ERVH48-1: variants seen among roughly 807,000 people sequenced by gnomAD.
The protein encoded by ERVH48-1 is suppressyn.
Under a neutral mutation model 2.4 loss-of-function variants are expected in ERVH48-1, and 4 were observed. The ratio of observed to expected loss-of-function variants is 1.68; its 90% confidence interval spans 0.83 to 3.84. The LOEUF (loss-of-function observed/expected upper bound fraction) is 3.84. Ranked by LOEUF, ERVH48-1 falls within the 30% of genes most tolerant of loss-of-function variation. The pLI, the probability that ERVH48-1 is intolerant of heterozygous loss-of-function variation, is 0.01. For missense variants in ERVH48-1, 97 were observed against 43.4 expected (o/e 2.23, Z -3.47); for synonymous variants, 32 against 15.5 (o/e 2.06, Z -2.49).
chr21:42,921,273 A>G (rs1022735513), intron 1 of ERVH48-1, among the ~76,000 whole-genome samples: 2 of 152,104 alleles, frequency 1.3e-5, no homozygotes, highest in Admixed American at 6.5e-5. Context: ...AAGGTTGGGT[A>G]ATAGGCTGTG....
chr21:42,923,458 G>T (rs541711169), intron 1 of ERVH48-1, among the ~76,000 whole-genome samples: 1 of 152,300 alleles, frequency 6.6e-6, no homozygotes, highest in Non-Finnish European at 1.5e-5. Context: ...GAGATGAACC[G>T]AAGGCTTAAG....
In ERVH48-1 at chr21:42,917,061, G is replaced by A. The variant is rs2058790796; in HGVS notation, c.*1463C>T. The A allele has an allele frequency of 6.6e-6, 1 of 152,170 alleles. No individual in the cohort carries two copies. The highest frequency in any genetic ancestry group is 1.5e-5 in the Non-Finnish European group (1 of 68,062). The allele number at this position is 152,170 out of a possible 1,614,324, so 9.4% of individuals were successfully genotyped here. On this transcript the variant is annotated 3_prime_UTR_variant, in exon 2 of 2. Transcript: ENST00000447535. ...GTTTGTACCTTGGGACTGGGCCTGA[G>A]GAGGAGGAGTTATTCATCCCGCAAG...
Position 42,918,483 on chromosome 21 carries a change from A to G in ERVH48-1, c.*41T>C, listed in dbSNP as rs1008620007. 6.9e-6 allele frequency: 3 copies of G among 433,764 alleles called. No homozygotes were observed. The highest frequency in any genetic ancestry group is 9.3e-6 in the Non-Finnish European group (2 of 215,778). 26.9% of individuals were successfully genotyped at this position (433,764 alleles called of 1,614,324 possible). A position where few individuals can be genotyped will look rare whatever the true frequency, so the allele number is the denominator to read the frequency against. ...TAAGCACAATGGTTCTCCTAGATCT[A>G]CAAACAGATTTTTTCCTGGCTTAGG... On this transcript the variant is annotated 3_prime_UTR_variant, in exon 2 of 2. Transcript: ENST00000447535.
chr21:42,921,821 C>T (rs1328800733), intron 1 of ERVH48-1, among the ~76,000 whole-genome samples: 1 of 89,834 alleles, frequency 1.1e-5, no homozygotes, highest in Non-Finnish European at 2.2e-5. Context: ...TTGGGGTCTT[C>T]CCACATAACA....
Position 42,918,302 on chromosome 21 carries a change from T to G in ERVH48-1, c.*222A>C, listed in dbSNP as rs2058794775. On this transcript the variant is annotated 3_prime_UTR_variant, in exon 2 of 2. Coordinates refer to ENST00000447535, the MANE Select transcript of ERVH48-1 (RefSeq NM_001308491.2). The stretch of plus-strand genomic sequence containing the variant: ...TATGCACACCGTCCCTCATACTGGG[T>G]TGGTAAGTGTCCAGGACTGCGGGCA... The G allele has an allele frequency of 2.9e-6, 1 of 346,834 alleles. No individual in the cohort carries two copies. Among genetic ancestry groups the G allele is most frequent in the South Asian group, 2.3e-5 (1 of 44,102 alleles). 21.5% of individuals were successfully genotyped at this position (346,834 alleles called of 1,614,324 possible).
chr21:42,920,950 CTGCGG>C (rs1337567061), intron 1 of ERVH48-1, among the ~76,000 whole-genome samples: 2 of 152,090 alleles, frequency 1.3e-5, no homozygotes, highest in Non-Finnish European at 2.9e-5. Flanking sequence ...ACTTAGTACG[CTGCGG>C]TGAGCTAGCA....
intron 1 of ERVH48-1, among the ~76,000 whole-genome samples, chr21:42,921,695 G>A (rs867314612): frequency 7.2e-5 from 11 of 151,782 alleles, no homozygotes; most frequent in Admixed American, 2.0e-4. Flanking sequence ...CAAAAAGGTG[G>A]GTGCTGTCTC....
At chr21:42,923,815 G>A (rs1044573362) in intron 1 of ERVH48-1, among the ~76,000 whole-genome samples, 2 of 152,198 alleles carry the variant, frequency 1.3e-5, no homozygotes, top group African/African-American at 4.8e-5. Context: ...TGGGGTGAGC[G>A]TGGAAGAGAG....
intron 1 of ERVH48-1, among the ~76,000 whole-genome samples, chr21:42,920,633 CA>C (rs1361539900): frequency 1.3e-5 from 2 of 152,024 alleles, no homozygotes; most frequent in Non-Finnish European, 2.9e-5. Flanking sequence ...CTAGGGGGAC[CA>C]GATTAGCTTC....
Position 42,917,257 on chromosome 21 carries a change from TCGTGC to T in ERVH48-1, c.*1262_*1266del, listed in dbSNP as rs2058791585. 1 of 152,198 alleles carries T rather than the reference TCGTGC, an allele frequency of 6.6e-6. No homozygotes were observed. The highest frequency in any genetic ancestry group is 1.5e-5 in the Non-Finnish European group (1 of 68,044). The allele number at this position is 152,198 out of a possible 1,614,324, so 9.4% of individuals were successfully genotyped here. ...TTCTTGAGAGACGGGTTGGTATCCA[TCGTGC>T]CGCTGTAGCAGGAGCATCATCTGGA... On this transcript the variant is annotated 3_prime_UTR_variant, in exon 2 of 2. Coordinates refer to ENST00000447535, the MANE Select transcript of ERVH48-1 (RefSeq NM_001308491.2).
At position 42,919,028 on chromosome 21, in the gene ERVH48-1, C is replaced by G; in HGVS notation, c.-22G>C. The G allele has an allele frequency of 3.2e-6, 4 of 1,235,720 alleles. No homozygotes were observed. The highest frequency in any genetic ancestry group is 4.2e-6 in the Non-Finnish European group (4 of 956,376). 76.5% of individuals were successfully genotyped at this position (1,235,720 alleles called of 1,614,324 possible). On this transcript the variant is annotated 5_prime_UTR_variant, in exon 2 of 2. Transcript: ENST00000447535. ...CCATTCCTGGAAGCACGTGGTTAGT[C>G]TTCCTTGTGTTTTGGTTTTAAGAAA... is the stretch of plus-strand genomic sequence containing the variant.
intron 1 of ERVH48-1, among the ~76,000 whole-genome samples, chr21:42,923,860 G>C (rs966106137): frequency 2.6e-5 from 4 of 152,222 alleles, no homozygotes; most frequent in Non-Finnish European, 5.9e-5. Flanking sequence ...TAGTTCATAA[G>C]ACTGGGTGAG....
Position 42,925,369 on chromosome 21 carries a change from T to C in ERVH48-1, c.-309A>G, listed in dbSNP as rs1274980047. On this transcript the variant is annotated 5_prime_UTR_variant, in exon 1 of 2. Coordinates refer to ENST00000447535, the MANE Select transcript of ERVH48-1 (RefSeq NM_001308491.2). ...ACCAGTAGGCGAGATCAGTGACCGA[T>C]GTGCATGCACAGAGAGGCGACTAGA... The C allele has an allele frequency of 8.6e-6, 4 of 463,446 alleles. No individual in the cohort carries two copies. The highest frequency in any genetic ancestry group is 1.6e-5 in the Non-Finnish European group (4 of 255,208). 28.7% of individuals were successfully genotyped at this position (463,446 alleles called of 1,614,324 possible).
rs2058790702 is a variant in ERVH48-1, at chr21:42,917,036, G to C, written c.*1488C>G. The C allele has an allele frequency of 1.3e-5, 2 of 152,232 alleles. No individual in the cohort carries two copies. Among genetic ancestry groups the C allele is most frequent in the Non-Finnish European group, 2.9e-5 (2 of 68,104 alleles). The allele number at this position is 152,232 out of a possible 1,614,324, so 9.4% of individuals were successfully genotyped here. A position where few individuals can be genotyped will look rare whatever the true frequency, so the allele number is the denominator to read the frequency against. The stretch of plus-strand genomic sequence containing the variant: ...CTCTGCTATCTTGCTGCTGGTGCAA[G>C]TTTGTACCTTGGGACTGGGCCTGAG... On this transcript the variant is annotated 3_prime_UTR_variant, in exon 2 of 2. Transcript: ENST00000447535.
chr21:42,920,589 A>G (rs2058802894), intron 1 of ERVH48-1, among the ~76,000 whole-genome samples: 1 of 152,208 alleles, frequency 6.6e-6, no homozygotes, highest in Non-Finnish European at 1.5e-5. Flanking sequence ...AGCTCAAGTG[A>G]GGACGATGAG....
chr21:42,919,840 C>A (rs1218924517), intron 1 of ERVH48-1, among the ~76,000 whole-genome samples: 1 of 152,160 alleles, frequency 6.6e-6, no homozygotes, highest in African/African-American at 2.4e-5. Flanking sequence ...AAAGTACAGA[C>A]AAAGACTAGA....
chr21:42,924,383 G>A (rs1363303167), intron 1 of ERVH48-1, among the ~76,000 whole-genome samples: 2 of 152,132 alleles, frequency 1.3e-5, no homozygotes, highest in Admixed American at 6.6e-5. Context: ...GGGGTGGACA[G>A]CAGTTGGCTG....
Position 42,918,070 on chromosome 21 carries a change from C to T in ERVH48-1, c.*454G>A, listed in dbSNP as rs141855205. On this transcript the variant is annotated 3_prime_UTR_variant, in exon 2 of 2. Coordinates refer to ENST00000447535, the MANE Select transcript of ERVH48-1 (RefSeq NM_001308491.2). Reference sequence around the variant, plus strand: ...AGGATTGTCGCATAGTACACTTAGGCGGAGGTATGCGGCATAAGGGTTAGT... The same window carrying T: ...AGGATTGTCGCATAGTACACTTAGGTGGAGGTATGCGGCATAAGGGTTAGT... The T allele has an allele frequency of 1.0e-3, 163 of 160,118 alleles. No homozygotes were observed. Among genetic ancestry groups the T allele is most frequent in the Non-Finnish European group, 1.8e-3 (130 of 72,938 alleles). 9.9% of individuals were successfully genotyped at this position (160,118 alleles called of 1,614,324 possible). A position where few individuals can be genotyped will look rare whatever the true frequency, so the allele number is the denominator to read the frequency against.
intron 1 of ERVH48-1, among the ~76,000 whole-genome samples, chr21:42,924,170 G>A (rs1187874138): frequency 6.6e-6 from 1 of 152,162 alleles, no homozygotes; most frequent in African/African-American, 2.4e-5. Context: ...AGATAGGAGC[G>A]GAAGGTGGCG....
Sources: gnomAD v4.1 joint callset for allele counts (sites outside exome capture counted in the v4.1 genomes callset) on GRCh38, gnomAD v4.1.1 for gene constraint, MANE v1.5 for transcripts, NCBI Gene and HGNC (gene_info 2026-07-23, HGNC 2026-07-21) for gene names.